XPO5: variants seen among roughly 807,000 people sequenced by gnomAD.
XPO5 encodes the protein exportin-5.
Under a neutral mutation model 160.6 loss-of-function variants are expected in XPO5, and 46 were observed. That is an observed-to-expected ratio of 0.29 (90% CI 0.23 to 0.37). XPO5 has a LOEUF of 0.37. XPO5 is among the 10% of genes least tolerant of loss of function. XPO5 has a pLI of 1.00. For synonymous variants in XPO5, 537 were observed against 519.3 expected (o/e 1.03, Z -0.46); for missense variants, 1,090 against 1,463.9 (o/e 0.74, Z 4.17).
intron 8 of XPO5, among the ~76,000 whole-genome samples, chr6:43,562,992 T>G (rs1429928435): frequency 6.6e-6 from 1 of 152,222 alleles, no homozygotes; most frequent in African/African-American, 2.4e-5. Flanking sequence ...ATGTGCCTCA[T>G]ACCTTTTCAT....
At chr6:43,547,586 C>T (rs377469473) in intron 19 of XPO5, 22 bp downstream of exon 19, 416 of 1,609,012 alleles carry the variant, frequency 2.6e-4, no homozygotes, top group Non-Finnish European at 3.3e-4. Flanking sequence ...AATGCCACTT[C>T]CCATTCCCAG....
At chr6:43,564,481 A>G (rs1385301312) in intron 8 of XPO5, among the ~76,000 whole-genome samples, 1 of 152,046 alleles carries the variant, frequency 6.6e-6, no homozygotes, top group African/African-American at 2.4e-5. Flanking sequence ...GTGAGCTGAG[A>G]TCGCATCATT....
intron 11 of XPO5, chr6:43,558,866 G>GA (rs35811310): frequency 1.9e-5 from 6 of 322,940 alleles, no homozygotes; most frequent in Non-Finnish European, 3.4e-5. Context: ...AAGGTCCCCA[G>GA]AAAAAATGAC....
At chr6:43,529,500 G>C (rs1793822003) in intron 23 of XPO5, 1 of 263,298 alleles carries the variant, frequency 3.8e-6, no homozygotes, top group Admixed American at 5.2e-5. Context: ...CTTGCAGTGA[G>C]CCGAGATCAC....
At chr6:43,528,340 C>A (rs1268963102) in intron 24 of XPO5, 135 bp from the exon 25 acceptor site, 1 of 802,984 alleles carries the variant, frequency 1.2e-6, no homozygotes, top group Non-Finnish European at 2.0e-6. Context: ...TCTGTAGACT[C>A]CACACCACAA....
rs755853273 is a variant in XPO5, at chr6:43,522,733, G to A, written c.*1135C>T. On this transcript the variant is annotated 3_prime_UTR_variant, in exon 32 of 32. Coordinates refer to ENST00000265351, the MANE Select transcript of XPO5 (RefSeq NM_020750.3). ...AACCCTCTTGTCAGTGGACTGGATGGACAACAGGTCTGTTTTTGTGCAGAG... is the reference window on the plus strand; with the variant it reads ...AACCCTCTTGTCAGTGGACTGGATGAACAACAGGTCTGTTTTTGTGCAGAG... 6.0e-6 allele frequency: 3 copies of A among 499,528 alleles called. No individual in the cohort carries two copies. In the Admixed American group the frequency reaches 6.1e-5, roughly 10 times the overall value. 30.9% of individuals were successfully genotyped at this position (499,528 alleles called of 1,614,324 possible). A position where few individuals can be genotyped will look rare whatever the true frequency, so the allele number is the denominator to read the frequency against.
Position 43,523,788 on chromosome 6 carries a change from C to A in XPO5, c.*80G>T. The A allele has an allele frequency of 1.2e-6, 2 of 1,610,742 alleles. No individual in the cohort carries two copies. Among genetic ancestry groups the A allele is most frequent in the Non-Finnish European group, 1.7e-6 (2 of 1,177,500 alleles). The stretch of plus-strand genomic sequence containing the variant: ...AGTGGTGGAAAGTGAGGTGGCAGTG[C>A]AAGAAGGGCCTAGAGATCGGCTACA... On this transcript the variant is annotated 3_prime_UTR_variant, in exon 32 of 32. Transcript: ENST00000265351.
At chr6:43,525,374 G>C (rs1375499087) in intron 28 of XPO5, 160 bp from the exon 29 acceptor site, 1 of 668,234 alleles carries the variant, frequency 1.5e-6, no homozygotes, top group Admixed American at 2.8e-5. Context: ...CTGGGCTCAA[G>C]CTATTCTCCC....
chr6:43,573,382 G>A, intron 2 of XPO5, 98 bp downstream of exon 2: 1 of 1,462,668 alleles, frequency 6.8e-7, no homozygotes, highest in Non-Finnish European at 9.3e-7. Flanking sequence ...CTTGGAGATT[G>A]CTCTTCTCTA....
At chr6:43,552,525 G>A (rs572047832) in intron 14 of XPO5, among the ~76,000 whole-genome samples, 289 of 152,166 alleles carry the variant, frequency 1.9e-3, no homozygotes, top group African/African-American at 6.0e-3. Flanking sequence ...GTTAATTTTT[G>A]TGTTTTTAGT....
In XPO5 at chr6:43,522,793, C is replaced by T. The variant is rs1158647976; in HGVS notation, c.*1075G>A. The T allele has an allele frequency of 7.1e-6, 3 of 424,116 alleles. No individual in the cohort carries two copies. Among genetic ancestry groups the T allele is most frequent in the African/African-American group, 6.1e-5 (3 of 49,144 alleles). 26.3% of individuals were successfully genotyped at this position (424,116 alleles called of 1,614,324 possible). A position where few individuals can be genotyped will look rare whatever the true frequency, so the allele number is the denominator to read the frequency against. On this transcript the variant is annotated 3_prime_UTR_variant, in exon 32 of 32. Coordinates refer to ENST00000265351, the MANE Select transcript of XPO5 (RefSeq NM_020750.3). ...ACACTGGTTTCTGTATGGATTAACTCTGCCTTACGGCCAGTAATAACCTCA... is the reference window on the plus strand; with the variant it reads ...ACACTGGTTTCTGTATGGATTAACTTTGCCTTACGGCCAGTAATAACCTCA...
chr6:43,555,836 A>C lies in XPO5; in HGVS notation c.1441T>G (p.Ser481Ala). ...STFLDAGSVN[S>A]CSAVGTGEGS... Reference sequence around the variant, plus strand: ...ACATTCAGTAATGAAAAAAACTTACAATTCACAGAACCAGCATCAAGAAAA... The same window carrying C: ...ACATTCAGTAATGAAAAAAACTTACCATTCACAGAACCAGCATCAAGAAAA... The change falls in exon 13 of 32, where the codon TCT becomes GCT. Residue 481 changes from serine to alanine, a missense_variant and splice_region_variant. Physicochemically the swap from Ser to Ala is moderately conservative, Grantham distance 99. Coordinates refer to ENST00000265351, the MANE Select transcript of XPO5 (RefSeq NM_020750.3). 3 of 1,613,860 alleles carry C rather than the reference A, an allele frequency of 1.9e-6. No individual in the cohort carries two copies. The highest frequency in any genetic ancestry group is 2.5e-6 in the Non-Finnish European group (3 of 1,179,830).
chr6:43,535,314 G>A (rs1794248053), intron 20 of XPO5, among the ~76,000 whole-genome samples: 2 of 151,878 alleles, frequency 1.3e-5, no homozygotes, highest in South Asian at 4.2e-4. Flanking sequence ...CTATGGCTGG[G>A]CCCAGTGGCT....
chr6:43,565,758 C>T, intron 7 of XPO5, 22 bp from the exon 8 acceptor site: 2 of 1,566,364 alleles, frequency 1.3e-6, no homozygotes, highest in Non-Finnish European at 1.7e-6. Context: ...TTTAGGGAAA[C>T]ATAGTCATAT....
chr6:43,550,304 G>A (rs898219705), intron 15 of XPO5, among the ~76,000 whole-genome samples: 1 of 152,036 alleles, frequency 6.6e-6, no homozygotes, highest in Non-Finnish European at 1.5e-5. Flanking sequence ...ATGAAATATG[G>A]CTGCTTACTT....
Position 43,546,729 on chromosome 6 carries a change from A to C in XPO5, c.2184T>G (p.Ile728Met), listed in dbSNP as rs1478681542. Residue 728 changes from isoleucine (I) to methionine (M), a missense_variant, in exon 20 of 32, where the codon ATT becomes ATG. Physicochemically the swap from Ile to Met is conservative, Grantham distance 10. Transcript: ENST00000265351. ...RARMSFCVYS[I>M]LGVVKRTCWP... ...AGCAAGTTCGTTTCACCACACCCAG[A>C]ATGCTGTATACACAAAAGCTCATCT... The C allele has an allele frequency of 6.2e-7, 1 of 1,609,064 alleles. No homozygotes were observed. Among genetic ancestry groups the C allele is most frequent in the East Asian group, 2.2e-5 (1 of 44,816 alleles).
chr6:43,528,335 A>T (rs1793727884), intron 24 of XPO5, 130 bp from the exon 25 acceptor site: 7 of 845,418 alleles, frequency 8.3e-6, no homozygotes, highest in Non-Finnish European at 1.3e-5. Flanking sequence ...CAACTTCTGT[A>T]GACTCCACAC....
chr6:43,545,493 G>A (rs978022039), intron 20 of XPO5, among the ~76,000 whole-genome samples: 7 of 152,088 alleles, frequency 4.6e-5, no homozygotes, highest in African/African-American at 1.2e-4. Flanking sequence ...GATCACTTGC[G>A]GCCAGGAGTT....
At chr6:43,547,805 G>A (rs1371461955) in intron 18 of XPO5, 98 bp from the exon 19 acceptor site, 2 of 1,034,222 alleles carry the variant, frequency 1.9e-6, no homozygotes, top group East Asian at 5.0e-5. Flanking sequence ...TGGCCCTTAA[G>A]AGCAGTTTTT....
Sources: allele counts gnomAD v4.1 joint callset (sites outside exome capture counted in the v4.1 genomes callset), GRCh38; gene constraint gnomAD v4.1.1; transcripts MANE v1.5; gene names NCBI Gene and HGNC (gene_info 2026-07-23, HGNC 2026-07-21).